HM13: variants seen among roughly 807,000 people sequenced by gnomAD.
HM13 encodes the protein signal peptide peptidase.
HM13 carries 18 observed loss-of-function variants against 50.0 expected under a neutral mutation model. That is an observed-to-expected ratio of 0.36 (90% CI 0.25 to 0.53). The LOEUF is 0.53. HM13 is among the 20% of genes least tolerant of loss of function. The probability of loss-of-function intolerance (pLI) is 0.90; values close to 1 mark genes in which losing one functional copy is unlikely to be tolerated. For synonymous variants in HM13, 197 were observed against 232.6 expected (o/e 0.85, Z 1.39); for missense variants, 393 against 552.4 (o/e 0.71, Z 2.89).
chr20:31,528,842 TCAAGTGATC>T (rs1408047452), intron 2 of HM13, among the ~76,000 whole-genome samples: 1 of 152,044 alleles, frequency 6.6e-6, no homozygotes, highest in Non-Finnish European at 1.5e-5. Context: ...ACTCCTGGGC[TCAAGTGATC>T]CTCCCACCTC....
At chr20:31,521,873 T>TTA (rs11483772) in intron 1 of HM13, among the ~76,000 whole-genome samples, 2 of 148,704 alleles carry the variant, frequency 1.3e-5, no homozygotes, top group African/African-American at 4.9e-5. Flanking sequence ...TTTTTTTTTT[T>TTA]AATGGAGGCA....
intron 3 of HM13, among the ~76,000 whole-genome samples, chr20:31,542,302 CTG>C (rs975605189): frequency 1.3e-5 from 2 of 152,210 alleles, no homozygotes; most frequent in African/African-American, 4.8e-5. Context: ...ACTTCATCAT[CTG>C]TGTCTGAGCT....
intron 3 of HM13, 42 bp from the exon 4 acceptor site, chr20:31,544,905 A>T (rs374840062): frequency 1.3e-6 from 2 of 1,555,208 alleles, no homozygotes; most frequent in African/African-American, 2.7e-5. Context: ...CTGACTGCCC[A>T]TGGGGGCTCT....
intron 2 of HM13, among the ~76,000 whole-genome samples, chr20:31,534,868 G>A (rs746668693): frequency 2.8e-4 from 42 of 152,058 alleles, no homozygotes; most frequent in Admixed American, 2.7e-3. Context: ...GGCAGATCAC[G>A]TGGTCAGGAG....
At chr20:31,538,936 T>G in intron 3 of HM13, 2 of 400,068 alleles carry the variant, frequency 5.0e-6, no homozygotes, top group Non-Finnish European at 6.8e-6. Flanking sequence ...TGGGTTGCTT[T>G]TGCTTTCACA....
At chr20:31,565,846 ATT>A (rs535672832) in intron 10 of HM13, among the ~76,000 whole-genome samples, 202 of 152,260 alleles carry the variant, frequency 1.3e-3, no homozygotes, top group African/African-American at 4.7e-3. Context: ...CTCCTGGAGC[ATT>A]TGCTAAAATG....
chr20:31,528,692 T>C (rs1262771687), intron 2 of HM13, among the ~76,000 whole-genome samples: 1 of 152,262 alleles, frequency 6.6e-6, no homozygotes, highest in Non-Finnish European at 1.5e-5. Context: ...TTGGTCAGGC[T>C]GGTCTCAAAC....
intron 1 of HM13, among the ~76,000 whole-genome samples, chr20:31,526,555 A>G (rs1321625906): frequency 6.6e-6 from 1 of 152,138 alleles, no homozygotes; most frequent in Non-Finnish European, 1.5e-5. Flanking sequence ...AATTATTTTG[A>G]TTGCATTCAG....
At chr20:31,537,499 C>T (rs1006071662) in intron 2 of HM13, among the ~76,000 whole-genome samples, 4 of 152,322 alleles carry the variant, frequency 2.6e-5, no homozygotes, top group African/African-American at 9.6e-5. Context: ...TTAGAGACCA[C>T]GATAGTAACA....
intron 11 of HM13, 46 bp from the exon 12 acceptor site, chr20:31,568,032 C>A (rs1985022039): frequency 1.3e-6 from 2 of 1,493,660 alleles, no homozygotes; most frequent in East Asian, 4.9e-5. Flanking sequence ...CTTAGTCTTT[C>A]CCTATCCATC....
intron 1 of HM13, among the ~76,000 whole-genome samples, chr20:31,517,825 TAA>T (rs768958274): frequency 7.0e-6 from 1 of 142,496 alleles, no homozygotes. Flanking sequence ...ATACACTTGT[TAA>T]AAAAAAAAAA....
chr20:31,534,781 C>T (rs1450377866), intron 2 of HM13, among the ~76,000 whole-genome samples: 4 of 146,266 alleles, frequency 2.7e-5, no homozygotes, highest in Non-Finnish European at 6.0e-5. Flanking sequence ...GACCCTGTTT[C>T]GAAAGAAAAA....
intron 4 of HM13, chr20:31,547,984 G>C (rs914210258): frequency 1.9e-6 from 3 of 1,578,592 alleles, no homozygotes; most frequent in African/African-American, 2.7e-5. Flanking sequence ...AGTCAACAAA[G>C]GAATTGGCAT....
chr20:31,550,451 C>G (rs1424900356), intron 7 of HM13: 3 of 275,326 alleles, frequency 1.1e-5, no homozygotes, highest in Admixed American at 4.6e-5. Context: ...AGACCCCTCA[C>G]TGGGGTCCCC....
chr20:31,554,188 A>C (rs1984173694), intron 7 of HM13, among the ~76,000 whole-genome samples: 1 of 152,066 alleles, frequency 6.6e-6, no homozygotes, highest in African/African-American at 2.4e-5. Flanking sequence ...TCATACAACA[A>C]GAATGGGGGG....
intron 1 of HM13, among the ~76,000 whole-genome samples, chr20:31,516,043 A>G (rs75035893): frequency 0.042 from 6,399 of 152,364 alleles, 172 homozygotes; most frequent in Middle Eastern, 0.11. Context: ...ATGCGATCAG[A>G]TGCAAAGGAA....
Position 31,569,267 on chromosome 20 carries a change from C to A in HM13, c.*48C>A. The A allele has an allele frequency of 7.5e-7, 1 of 1,324,644 alleles. No homozygotes were observed. The highest frequency in any genetic ancestry group is 1.1e-6 in the Non-Finnish European group (1 of 941,838). 82.1% of individuals were successfully genotyped at this position (1,324,644 alleles called of 1,614,324 possible). On this transcript the variant is annotated 3_prime_UTR_variant, in exon 13 of 13. Transcript: ENST00000398174. ...CAGGGCCAGACCAGACAGATGGGGG[C>A]TGGGCCCACACAGGCGTGCACCGGT...
chr20:31,527,873 C>A, intron 2 of HM13: 4 of 265,204 alleles, frequency 1.5e-5, no homozygotes, highest in East Asian at 6.7e-5. Flanking sequence ...TGTGCTCAGA[C>A]ATACCTCTAC....
At chr20:31,533,134 A>G (rs540108175) in intron 2 of HM13, among the ~76,000 whole-genome samples, 40 of 152,330 alleles carry the variant, frequency 2.6e-4, no homozygotes, top group African/African-American at 9.6e-4. Context: ...AGCCCACCAC[A>G]GCGGCTCTCC....
Sources: allele counts gnomAD v4.1 joint callset (sites outside exome capture counted in the v4.1 genomes callset), GRCh38; gene constraint gnomAD v4.1.1; transcripts MANE v1.5; gene names NCBI Gene and HGNC (gene_info 2026-07-23, HGNC 2026-07-21).